Variants in SPC25 observed in about 807,000 individuals in gnomAD.
SPC25 encodes kinetochore protein Spc25.
In SPC25, 22 loss-of-function variants were observed where a neutral mutation model predicts 29.6. That is an observed-to-expected ratio of 0.74 (90% CI 0.53 to 1.06). SPC25 has a LOEUF of 1.06. SPC25 is among the 50% of genes least tolerant of loss of function. The pLI is 0.00. For synonymous variants in SPC25, 91 were observed against 90.4 expected (o/e 1.01, Z -0.04); for missense variants, 230 against 255.8 (o/e 0.90, Z 0.69).
chr2:168,886,728 C>T (rs1690272617), intron 3 of SPC25, among the ~76,000 whole-genome samples: 1 of 151,312 alleles, frequency 6.6e-6, no homozygotes. Context: ...ACCGTGTTAG[C>T]CAGGATGGTC....
chr2:168,879,066 T>C (rs1251551580), intron 3 of SPC25, among the ~76,000 whole-genome samples: 1 of 152,214 alleles, frequency 6.6e-6, no homozygotes, highest in Non-Finnish European at 1.5e-5. Flanking sequence ...CATCTGAGCC[T>C]TCAGCAAGTC....
At chr2:168,889,188 T>A (rs1408403460) in intron 3 of SPC25, 38 bp downstream of exon 3, 1 of 1,567,598 alleles carries the variant, frequency 6.4e-7, no homozygotes, top group East Asian at 2.2e-5. Flanking sequence ...AGATGTTTTA[T>A]CTAAAAAAAA....
At chr2:168,872,590 C>G (rs752358757) in intron 6 of SPC25, among the ~76,000 whole-genome samples, 17 of 152,120 alleles carry the variant, frequency 1.1e-4, no homozygotes, top group Non-Finnish European at 1.2e-4. Context: ...AGAGAAACAA[C>G]AGCAAAGGGC....
At chr2:168,862,880 A>G (rs890982459) in intron 4 of SPC25, among the ~76,000 whole-genome samples, 4 of 152,218 alleles carry the variant, frequency 2.6e-5, no homozygotes, top group African/African-American at 7.2e-5. Context: ...CGACAAGGAC[A>G]TGGCTCCCAG....
At chr2:168,865,772 T>C (rs1479138577) in intron 4 of SPC25, among the ~76,000 whole-genome samples, 1 of 126,608 alleles carries the variant, frequency 7.9e-6, no homozygotes. Context: ...TTCAGCAAAG[T>C]CTCAAGATAC....
In SPC25 at chr2:168,889,306, G is replaced by A; in HGVS notation, c.134-15C>T. The A allele has an allele frequency of 6.2e-7, 1 of 1,613,310 alleles. No homozygotes were observed. Among genetic ancestry groups the A allele is most frequent in the Non-Finnish European group, 8.5e-7 (1 of 1,179,744 alleles). ...AGACAGCTTTTCTGAAAGAGAAATT[G>A]AACTTTCAATTCAGCTGCAATAACA... On this transcript the variant is annotated splice_polypyrimidine_tract_variant and intron_variant, in intron 2 of 6. Transcript: ENST00000282074.
intron 3 of SPC25, among the ~76,000 whole-genome samples, chr2:168,882,564 T>C (rs1690194948): frequency 6.6e-6 from 1 of 152,188 alleles, no homozygotes; most frequent in South Asian, 2.1e-4. Context: ...ATCACGCCAC[T>C]GCACTCCAGC....
chr2:168,863,726 TG>T, intron 4 of SPC25: 1 of 890,240 alleles, frequency 1.1e-6, no homozygotes, highest in Non-Finnish European at 1.3e-6. Flanking sequence ...GACATTGTCT[TG>T]ATCTTAAGAA....
chr2:168,873,433 C>A, intron 6 of SPC25, 152 bp downstream of exon 6: 2 of 541,080 alleles, frequency 3.7e-6, no homozygotes, highest in South Asian at 2.3e-5. Flanking sequence ...ATATTCACTT[C>A]CTTTAGAAGA....
rs1178125544 is a variant in SPC25 at position 168,876,071 on chromosome 2, C to G, written c.451+1G>C. On this transcript the variant is annotated splice_donor_variant, in intron 5 of 6. Coordinates refer to ENST00000282074, the MANE Select transcript of SPC25 (RefSeq NM_020675.4). LOFTEE classifies it high-confidence loss of function. Reference sequence around the variant, plus strand: ...TATTTTATTTATATTAACAAACTTACCATAAATTTTTCGAATTTCTAGTCC... The same window carrying G: ...TATTTTATTTATATTAACAAACTTAGCATAAATTTTTCGAATTTCTAGTCC... 6.7e-7 allele frequency: 1 copy of G among 1,501,708 alleles called. No homozygotes were observed. The highest frequency in any genetic ancestry group is 1.4e-5 in the African/African-American group (1 of 69,552). 93.0% of individuals were successfully genotyped at this position (1,501,708 alleles called of 1,614,324 possible).
In SPC25 at chr2:168,871,383, T is replaced by A; in HGVS notation, c.*48A>T. The A allele has an allele frequency of 2.7e-6, 4 of 1,505,806 alleles. No individual in the cohort carries two copies. The highest frequency in any genetic ancestry group is 3.6e-6 in the Non-Finnish European group (4 of 1,117,670). 93.3% of individuals were successfully genotyped at this position (1,505,806 alleles called of 1,614,324 possible). A position where few individuals can be genotyped will look rare whatever the true frequency, so the allele number is the denominator to read the frequency against. ...AATAAAAACAAGAAAAAAAGAGATA[T>A]GTAATAGAGAAGAAAAATAAACCGT... On this transcript the variant is annotated 3_prime_UTR_variant, in exon 7 of 7. Coordinates refer to ENST00000282074, the MANE Select transcript of SPC25 (RefSeq NM_020675.4).
downstream of SPC25, among the ~76,000 whole-genome samples, chr2:168,866,664 AG>A (rs1394566514): frequency 2.6e-5 from 4 of 152,250 alleles, no homozygotes; most frequent in Non-Finnish European, 5.9e-5. Context: ...GCACAGCAAA[AG>A]AAACCACCAT....
At chr2:168,873,801 C>A in intron 5 of SPC25, 118 bp from the exon 6 acceptor site, 2 of 549,826 alleles carry the variant, frequency 3.6e-6, no homozygotes, top group South Asian at 3.1e-5. Context: ...ACCAACATTT[C>A]CAAATGCAGA....
Position 168,871,501 on chromosome 2 carries a change from C to G in SPC25, c.605G>C (p.Arg202Thr). Residue 202 changes from arginine to threonine, a missense_variant, in exon 7 of 7, where the codon AGG (arginine) becomes ACG (threonine). Arg to Thr is a moderately conservative substitution (Grantham distance 71, BLOSUM62 -1). Transcript: ENST00000282074. ...AAAAGCTGAAAAATTGTTGGTCTTC[C>G]TTACATTCTCTTGAAATTCTGCTAG... Reference protein sequence around the residue: ...EGLAEFQENVRKTNNFSAFLA... With the variant: ...EGLAEFQENVTKTNNFSAFLA... 1 of 1,609,446 alleles carries G rather than the reference C, an allele frequency of 6.2e-7. No homozygotes were observed. The highest frequency in any genetic ancestry group is 1.1e-5 in the South Asian group (1 of 89,828).
intron 3 of SPC25, among the ~76,000 whole-genome samples, chr2:168,887,038 A>C (rs1203065930): frequency 6.6e-6 from 1 of 152,198 alleles, no homozygotes; most frequent in Non-Finnish European, 1.5e-5. Flanking sequence ...CACACATGCA[A>C]ACAAAAGTGG....
intron 4 of SPC25, chr2:168,865,157 G>GAGAC (rs1689787736): frequency 1.6e-6 from 1 of 645,074 alleles, no homozygotes. Flanking sequence ...TGGATGGGTG[G>GAGAC]AGACAGACAA....
downstream of SPC25, among the ~76,000 whole-genome samples, chr2:168,870,052 A>G (rs1178572060): frequency 6.6e-6 from 1 of 152,150 alleles, no homozygotes; most frequent in African/African-American, 2.4e-5. Flanking sequence ...AAATAATCCC[A>G]CATATCTACA....
intron 4 of SPC25, chr2:168,864,712 A>C: frequency 9.1e-7 from 1 of 1,103,812 alleles, no homozygotes; most frequent in Non-Finnish European, 1.3e-6. Context: ...ATCTGAATCA[A>C]GTGCAGAAAA....
chr2:168,867,272 T>C (rs1464001944), downstream of SPC25, among the ~76,000 whole-genome samples: 1 of 152,056 alleles, frequency 6.6e-6, no homozygotes, highest in African/African-American at 2.4e-5. Context: ...TGGCATACAC[T>C]GCAAAAACAT....
Sources: allele counts gnomAD v4.1 joint callset (sites outside exome capture counted in the v4.1 genomes callset), GRCh38; gene constraint gnomAD v4.1.1; transcripts MANE v1.5; gene names NCBI Gene and HGNC (gene_info 2026-07-23, HGNC 2026-07-21).